Variants in CALN1 observed in about 807,000 individuals in gnomAD.
CALN1 encodes calcium-binding protein 8.
Under a neutral mutation model 30.6 loss-of-function variants are expected in CALN1, and 17 were observed. That is an observed-to-expected ratio of 0.56 (90% CI 0.38 to 0.83). The LOEUF (loss-of-function observed/expected upper bound fraction) is 0.83. Among genes scored for constraint, CALN1 ranks in the 40% least tolerant of loss-of-function variants. The pLI, the probability that CALN1 is intolerant of heterozygous loss-of-function variation, is 0.00. For synonymous variants in CALN1, 156 were observed against 131.4 expected, an observed-to-expected ratio of 1.19 and a Z score of -1.28; for missense variants, 291 against 354.9, an observed-to-expected ratio of 0.82 and a Z score of 1.45.
At chr7:72,440,599 G>A (rs1808314700) in intron 1 of CALN1, among the ~76,000 whole-genome samples, 3 of 152,214 alleles carry the variant, frequency 2.0e-5, no homozygotes, top group Admixed American at 1.3e-4. Context: ...GGCTGAGGCA[G>A]GCGGATCACT....
At position 72,258,018 on chromosome 7, in the gene CALN1, C is replaced by T. The variant is rs955801622; in HGVS notation, c.244+20668G>A. Among the ~76,000 whole-genome samples, 5 of 152,208 alleles carry T rather than the reference C, an allele frequency of 3.3e-5. 1 individual carries two copies. Among genetic ancestry groups the T allele is most frequent in the Admixed American group, 2.0e-4 (3 of 15,268 alleles). On this transcript the variant is annotated intron_variant, in intron 3 of 6. Coordinates refer to ENST00000395275, the MANE Select transcript of CALN1 (RefSeq NM_031468.4). ...AAGACTACATATTGAGTATGGTGCA[C>T]TCTGCTTGGGTGATGGGTGCAACAA...
At chr7:72,078,771 A>G (rs372780754) in intron 4 of CALN1, among the ~76,000 whole-genome samples, 1 of 152,132 alleles carries the variant, frequency 6.6e-6, no homozygotes, top group Middle Eastern at 3.2e-3. Flanking sequence ...CCCCACCTCT[A>G]CTAAAAATAC....
At chr7:72,267,346 A>G (rs1422834457) in intron 3 of CALN1, among the ~76,000 whole-genome samples, 1 of 152,204 alleles carries the variant, frequency 6.6e-6, no homozygotes, top group Non-Finnish European at 1.5e-5. Context: ...CCCTCCTGGC[A>G]TAAAGTCATG....
rs142228481 is a variant in CALN1 at position 72,250,229 on chromosome 7, G to A, written c.244+28457C>T. Reference sequence around the variant, plus strand: ...GCCTGGGATCTAAATAAGATGATTAGGAGAGGCTGAACTGTGAGAGGTTCA... The same window carrying A: ...GCCTGGGATCTAAATAAGATGATTAAGAGAGGCTGAACTGTGAGAGGTTCA... On this transcript the variant is annotated intron_variant, in intron 3 of 6. Coordinates refer to ENST00000395275, the MANE Select transcript of CALN1 (RefSeq NM_031468.4). Among the ~76,000 whole-genome samples, 517 of 152,276 alleles carry A rather than the reference G, an allele frequency of 3.4e-3. 2 individuals are homozygous for A. The highest frequency in any genetic ancestry group is 0.014 in the Middle Eastern group (4 of 292).
intron 2 of CALN1, among the ~76,000 whole-genome samples, chr7:72,322,999 G>C (rs964241964): frequency 1.3e-5 from 2 of 151,092 alleles, no homozygotes; most frequent in Non-Finnish European, 2.9e-5. Context: ...AAAAGGACAG[G>C]GGAGGGGAGG....
intron 5 of CALN1, among the ~76,000 whole-genome samples, chr7:71,918,644 C>T (rs1472501587): frequency 6.6e-6 from 1 of 152,104 alleles, no homozygotes; most frequent in African/African-American, 2.4e-5. Context: ...GCAAAGACCC[C>T]CTTCATCTTC....
rs375764248 is a variant in CALN1, at chr7:72,203,409, T to C, written c.244+75277A>G. 1.4e-4 allele frequency among the ~76,000 whole-genome samples: 22 copies of C among 152,244 alleles called. No homozygotes were observed. The East Asian group carries it at 3.3e-3, about 23-fold the overall frequency. ...GAAACAATGAGTAGGTCATAGGTCA[T>C]GCTATTTGTGGGTTTTCCTTGAAAA... On this transcript the variant is annotated intron_variant, in intron 3 of 6. Transcript: ENST00000395275.
intron 1 of CALN1, among the ~76,000 whole-genome samples, chr7:72,425,145 ACT>A (rs1421141903): frequency 6.6e-6 from 1 of 151,822 alleles, no homozygotes; most frequent in Admixed American, 6.6e-5. Context: ...ACAGAGTCTC[ACT>A]CTGTTGCCCA....
chr7:72,377,407 T>A (rs1275835987), intron 2 of CALN1, among the ~76,000 whole-genome samples: 1 of 151,626 alleles, frequency 6.6e-6, no homozygotes, highest in Non-Finnish European at 1.5e-5. Context: ...ATTGCTTTTT[T>A]ACTCTTTGGG....
At chr7:72,239,806 G>A (rs1794719383) in intron 3 of CALN1, among the ~76,000 whole-genome samples, 1 of 152,120 alleles carries the variant, frequency 6.6e-6, no homozygotes, top group Non-Finnish European at 1.5e-5. Flanking sequence ...GCACCACTTA[G>A]TACACAATGC....
intron 3 of CALN1, among the ~76,000 whole-genome samples, chr7:72,179,242 AG>A (rs1332828086): frequency 2.0e-5 from 3 of 152,262 alleles, no homozygotes; most frequent in African/African-American, 7.2e-5. Context: ...GACAGCTCTG[AG>A]AGGCTAAATA....
At chr7:72,195,618 G>A (rs954705370) in intron 3 of CALN1, among the ~76,000 whole-genome samples, 50 of 152,074 alleles carry the variant, frequency 3.3e-4, no homozygotes, top group African/African-American at 1.1e-3. Context: ...GGCCTCAGGC[G>A]ATCCTCCCTA....
chr7:72,165,670 G>T (rs747743221), intron 3 of CALN1, among the ~76,000 whole-genome samples: 3 of 151,996 alleles, frequency 2.0e-5, no homozygotes, highest in African/African-American at 7.2e-5. Flanking sequence ...TTTAAAAATG[G>T]AGCCTAAATA....
intron 3 of CALN1, among the ~76,000 whole-genome samples, chr7:72,271,575 A>ATATATATATATATATATATATATATAT (rs1554345806): frequency 1.7e-4 from 9 of 52,126 alleles, no homozygotes; most frequent in African/African-American, 5.4e-4. Flanking sequence ...AAAAAAAAAA[A>ATATATATATATATATATATATATATAT]ATATATATAT....
At chr7:72,484,502 C>A in the CALN1 span, among the ~76,000 whole-genome samples, 7 of 152,220 alleles carry the variant, frequency 4.6e-5, no homozygotes, top group African/African-American at 1.7e-4. Context: ...CACCGCTAAT[C>A]CTTTCAGGTA....
chr7:72,240,191 T>TC (rs1794738111), intron 3 of CALN1, among the ~76,000 whole-genome samples: 6 of 140,578 alleles, frequency 4.3e-5, no homozygotes, highest in Admixed American at 4.1e-4. Flanking sequence ...TGGGGAAATT[T>TC]CTTTTTTTTT....
intron 3 of CALN1, among the ~76,000 whole-genome samples, chr7:72,273,570 G>C (rs916696535): frequency 2.8e-5 from 4 of 142,768 alleles, no homozygotes; most frequent in African/African-American, 1.0e-4. Context: ...TCAAGTGCAA[G>C]TGCAGTAGTA....
chr7:71,810,215 T>G, intron 6 of CALN1, 121 bp downstream of exon 6: 1 of 1,012,900 alleles, frequency 9.9e-7, no homozygotes, highest in Non-Finnish European at 1.4e-6. Context: ...TCCTGGATTT[T>G]TGGCTTCAGT....
chr7:72,013,150 G>A (rs190709495), intron 5 of CALN1, among the ~76,000 whole-genome samples: 22 of 151,858 alleles, frequency 1.4e-4, no homozygotes, highest in African/African-American at 4.1e-4. Context: ...AACCATGGGC[G>A]TGTGAACTAG....
Sources: gnomAD v4.1 joint callset for allele counts (sites outside exome capture counted in the v4.1 genomes callset) on GRCh38, gnomAD v4.1.1 for gene constraint, MANE v1.5 for transcripts, NCBI Gene and HGNC (gene_info 2026-07-23, HGNC 2026-07-21) for gene names.